DENND1C: variants seen among roughly 807,000 people sequenced by gnomAD.
DENND1C encodes the protein DENN domain-containing protein 1C.
DENND1C carries 64 observed loss-of-function variants against 87.9 expected under a neutral mutation model. The ratio of observed to expected loss-of-function variants is 0.73; its 90% CI spans 0.60 to 0.90. The LOEUF (loss-of-function observed/expected upper bound fraction) is 0.90. Ranked by LOEUF, DENND1C falls within the 40% of genes least tolerant of loss-of-function variation. DENND1C has a pLI of 0.00. For missense variants in DENND1C, 980 were observed against 1,037.0 expected (o/e 0.95, Z 0.76); for synonymous variants, 384 against 424.4 (o/e 0.90, Z 1.17).
chr19:6,479,572 A>G (rs2092886225), intron 4 of DENND1C, 97 bp downstream of exon 4: 2 of 1,494,314 alleles, frequency 1.3e-6, no homozygotes, highest in South Asian at 1.1e-5. Context: ...CCTCGAGTGT[A>G]TGGGTTTCCA....
At chr19:6,472,855 C>T (rs1406273604) in intron 15 of DENND1C, 34 bp downstream of exon 15, 1 of 1,448,300 alleles carries the variant, frequency 6.9e-7, no homozygotes, top group Non-Finnish European at 9.1e-7. Flanking sequence ...AGTCCACCTC[C>T]AGTCCCAGCT....
chr19:6,468,624 T>C lies in DENND1C; in HGVS notation c.1537A>G (p.Arg513Gly). ...GTTCCCTCTTCCAGCTGGCGTCTCC[T>C]GCTGGGGCGAAGGGGCCGGTTCTGC... is the stretch of plus-strand genomic sequence containing the variant. ...FGKNRPLRPSRRRQLEEGTSE... is the reference protein window; with the variant it reads ...FGKNRPLRPSGRRQLEEGTSE... Residue 513 changes from arginine (R) to glycine (G), a missense_variant, in exon 21 of 23, where the codon AGG becomes GGG. Arg to Gly is a moderately radical substitution (Grantham distance 125). Coordinates refer to ENST00000381480, the MANE Select transcript of DENND1C (RefSeq NM_024898.4). 1 of 1,497,654 alleles carries C rather than the reference T, an allele frequency of 6.7e-7. No individual in the cohort carries two copies. The highest frequency in any genetic ancestry group is 8.9e-7 in the Non-Finnish European group (1 of 1,126,778). The allele number at this position is 1,497,654 out of a possible 1,614,324, so 92.8% of individuals were successfully genotyped here.
At position 6,475,559 on chromosome 19, in the gene DENND1C, G is replaced by T; in HGVS notation, c.852C>A (p.Asp284Glu). The T allele has an allele frequency of 1.2e-6, 2 of 1,613,988 alleles. No individual in the cohort carries two copies. Among genetic ancestry groups the T allele is most frequent in the Non-Finnish European group, 1.7e-6 (2 of 1,179,866 alleles). ...AERVREKALE[D>E]VVVLNVDANT... ...TGGCGTCCACGTTCAGCACCACGAC[G>T]TCCTCCAGGGCTTTTTCTCGTACTC... Residue 284 changes from aspartate (D) to glutamate (E), a missense_variant, in exon 13 of 23, where the codon GAC becomes GAA. Physicochemically the swap from Asp to Glu is conservative, Grantham distance 45 (BLOSUM62 2). Coordinates refer to ENST00000381480, the MANE Select transcript of DENND1C (RefSeq NM_024898.4).
intron 17 of DENND1C, 120 bp downstream of exon 17, chr19:6,471,145 C>G: frequency 7.3e-7 from 1 of 1,378,700 alleles, no homozygotes; most frequent in Non-Finnish European, 1.0e-6. Flanking sequence ...GGGGTTTCGT[C>G]ACGTTGCCCT....
chr19:6,473,627 C>T (rs900047399), intron 14 of DENND1C, among the ~76,000 whole-genome samples: 2 of 150,672 alleles, frequency 1.3e-5, no homozygotes, highest in African/African-American at 2.5e-5. Context: ...CACGCCACTG[C>T]GCCCAGCTAA....
chr19:6,476,087 A>C, intron 10 of DENND1C, 150 bp from the exon 11 acceptor site: 4 of 743,468 alleles, frequency 5.4e-6, no homozygotes, highest in African/African-American at 1.8e-5. Flanking sequence ...TTTAGAAATC[A>C]TGTGGAGACC....
intron 1 of DENND1C, chr19:6,480,359 T>G: frequency 9.9e-6 from 13 of 1,309,050 alleles, no homozygotes; most frequent in Non-Finnish European, 1.3e-5. Context: ...GTCTGCTGTC[T>G]GCCTGAAAAG....
At chr19:6,480,777 A>G (rs2145221265) in intron 1 of DENND1C, among the ~76,000 whole-genome samples, 1 of 151,608 alleles carries the variant, frequency 6.6e-6, no homozygotes. Flanking sequence ...GCTAATTTTC[A>G]TATTTTTAGT....
chr19:6,468,353 C>G lies in DENND1C; in HGVS notation c.1672G>C (p.Asp558His). Residue 558 changes from aspartate (D) to histidine (H), a missense_variant, in exon 22 of 23, where the codon GAT becomes CAT. Coordinates refer to ENST00000381480, the MANE Select transcript of DENND1C (RefSeq NM_024898.4). ...SSFLGSGEELDLLSEILDSLS... is the reference protein window; with the variant it reads ...SSFLGSGEELHLLSEILDSLS... ...CTGTCCAGAATCTCGCTCAACAAATCCAGTTCTTCTCCAGACCCCAAGAAG... is the reference window on the plus strand; with the variant it reads ...CTGTCCAGAATCTCGCTCAACAAATGCAGTTCTTCTCCAGACCCCAAGAAG... 6.2e-7 allele frequency: 1 copy of G among 1,613,856 alleles called. No individual in the cohort carries two copies.
At position 6,468,186 on chromosome 19, in the gene DENND1C, T is replaced by G. The variant is rs1372621727; in HGVS notation, c.1791+48A>C. Reference sequence around the variant, plus strand: ...AGGGGCTGGCAAGTTGGATGGACCATTAGGGGAAGACTTGGGGTAGGGTTG... The same window carrying G: ...AGGGGCTGGCAAGTTGGATGGACCAGTAGGGGAAGACTTGGGGTAGGGTTG... On this transcript the variant is annotated intron_variant, in intron 22 of 22. Transcript: ENST00000381480. 8 of 1,612,068 alleles carry G rather than the reference T, an allele frequency of 5.0e-6. No individual in the cohort carries two copies. The African/African-American group carries it at 1.1e-4, about 22-fold the overall frequency.
chr19:6,479,494 G>A (rs1468304903), intron 4 of DENND1C, among the ~76,000 whole-genome samples, 175 bp downstream of exon 4: 1 of 151,826 alleles, frequency 6.6e-6, no homozygotes, highest in East Asian at 1.9e-4. Flanking sequence ...CTGAGTCCCT[G>A]GATGCTAATG....
rs2145215879 is a variant in DENND1C, at chr19:6,479,536, G to A, written c.176+133C>T. On this transcript the variant is annotated intron_variant, in intron 4 of 22. Coordinates refer to ENST00000381480, the MANE Select transcript of DENND1C (RefSeq NM_024898.4). ...GGTCCCTAGTTCTCAGGGCCCCTGA[G>A]TGTCTGAGTCTCTGAGTCTCAGGGT... 3.6e-6 allele frequency: 4 copies of A among 1,111,860 alleles called. No individual in the cohort carries two copies. The Middle Eastern group carries it at 8.1e-4, about 226-fold the overall frequency. The allele number at this position is 1,111,860 out of a possible 1,614,324, so 68.9% of individuals were successfully genotyped here.
At chr19:6,474,768 A>G (rs986231655) in intron 14 of DENND1C, among the ~76,000 whole-genome samples, 1 of 152,104 alleles carries the variant, frequency 6.6e-6, no homozygotes, top group African/African-American at 2.4e-5. Flanking sequence ...TTTTAATTAA[A>G]AAAATATATA....
Position 6,472,954 on chromosome 19 carries a change from G to C in DENND1C, c.1093C>G (p.Gln365Glu). Residue 365 changes from glutamine (Q) to glutamate (E), a missense_variant, in exon 15 of 23, where the codon CAG becomes GAG. Gln to Glu is a conservative substitution (Grantham distance 29). Coordinates refer to ENST00000381480, the MANE Select transcript of DENND1C (RefSeq NM_024898.4). ...VTFSEEVFLA[Q>E]KPGAPLQAFH... ...GCCTGCAGAGGTGCCCCAGGCTTCT[G>C]GGCCAAGAAGACTTCCTCACTGAAG... The C allele has an allele frequency of 6.3e-7, 1 of 1,588,298 alleles. No homozygotes were observed. The highest frequency in any genetic ancestry group is 8.6e-7 in the Non-Finnish European group (1 of 1,168,322).
At chr19:6,477,604 A>AATTAAT (rs1408070054) in intron 6 of DENND1C, 146 bp from the exon 7 acceptor site, 20 of 135,636 alleles carry the variant, frequency 1.5e-4, no homozygotes, top group African/African-American at 1.3e-3. Flanking sequence ...CTTTAAAAGA[A>AATTAAT]ATTAATAATA....
At position 6,479,671 on chromosome 19, in the gene DENND1C, T is replaced by TTCCACA; in HGVS notation, c.168_173dup (p.Asp56_Val57dup). On this transcript the variant is annotated inframe_insertion, in exon 4 of 23. Coordinates refer to ENST00000381480, the MANE Select transcript of DENND1C (RefSeq NM_024898.4). ...TGGATCTCCCCGCCCTTCCGTACCT[T>TTCCACA]TCCACATCAAAAGGGAAGCAGAATT... is the stretch of plus-strand genomic sequence containing the variant. 1 of 1,613,852 alleles carries TTCCACA rather than the reference T, an allele frequency of 6.2e-7. No individual in the cohort carries two copies. Among genetic ancestry groups the TTCCACA allele is most frequent in the Non-Finnish European group, 8.5e-7 (1 of 1,179,844 alleles).
intron 18 of DENND1C, chr19:6,470,082 G>C (rs905957481): frequency 1.8e-6 from 1 of 542,598 alleles, no homozygotes. Flanking sequence ...GGAGGGGGGC[G>C]GGTAGGATTC....
Position 6,477,425 on chromosome 19 carries a change from A to G in DENND1C, c.400T>C (p.Phe134Leu). ...TGGGGCCCAGACAGGGACTGCTGAAACAGATTTTGAAGAAGTTCCTCTGCC... is the reference window on the plus strand; with the variant it reads ...TGGGGCCCAGACAGGGACTGCTGAAGCAGATTTTGAAGAAGTTCCTCTGCC... ...TEAEELLQNLFQQSLSGPQAS... is the reference protein window; with the variant it reads ...TEAEELLQNLLQQSLSGPQAS... The change falls in exon 7 of 23, where the codon TTT becomes CTT. Residue 134 changes from phenylalanine (F) to leucine (L), a missense_variant. Transcript: ENST00000381480. The G allele has an allele frequency of 6.2e-7, 1 of 1,612,880 alleles. No individual in the cohort carries two copies. Among genetic ancestry groups the G allele is most frequent in the Non-Finnish European group, 8.5e-7 (1 of 1,179,598 alleles).
chr19:6,479,285 C>G (rs2092883323), intron 4 of DENND1C, among the ~76,000 whole-genome samples: 1 of 150,224 alleles, frequency 6.7e-6, no homozygotes, highest in Non-Finnish European at 1.5e-5. Flanking sequence ...TTCTGGATCT[C>G]TGGGTCCTTG....
Sources: allele counts gnomAD v4.1 joint callset (sites outside exome capture counted in the v4.1 genomes callset), GRCh38; gene constraint gnomAD v4.1.1; transcripts MANE v1.5; gene names NCBI Gene and HGNC (gene_info 2026-07-23, HGNC 2026-07-21).